SCIN: variants seen among roughly 807,000 people sequenced by gnomAD.
The protein encoded by SCIN is adseverin.
Under a neutral mutation model 91.8 loss-of-function variants are expected in SCIN, and 91 were observed. The ratio of observed to expected loss-of-function variants is 0.99; its 90% CI spans 0.84 to 1.18. The LOEUF is 1.18. SCIN is among the 50% of genes most tolerant of loss of function. The pLI is 0.00. For synonymous variants in SCIN, 367 were observed against 312.6 expected, an observed-to-expected ratio of 1.17 and a Z score of -1.84; for missense variants, 1,087 against 863.9, an observed-to-expected ratio of 1.26 and a Z score of -3.24.
chr7:12,601,735 A>G (rs185600186), intron 3 of SCIN, among the ~76,000 whole-genome samples: 9 of 152,342 alleles, frequency 5.9e-5, no homozygotes, highest in African/African-American at 2.2e-4. Context: ...GAATCTCTTA[A>G]AACTGTTTAT....
intron 3 of SCIN, chr7:12,596,158 A>T (rs1272778623): frequency 3.3e-6 from 1 of 298,584 alleles, no homozygotes; most frequent in Non-Finnish European, 6.6e-6. Context: ...TTCTTCCCTT[A>T]GGGTGGGCTG....
chr7:12,580,161 G>C (rs974039251), intron 2 of SCIN, among the ~76,000 whole-genome samples: 1 of 151,812 alleles, frequency 6.6e-6, no homozygotes, highest in African/African-American at 2.4e-5. Flanking sequence ...CTAATTTTCC[G>C]TACCATTATT....
At position 12,640,523 on chromosome 7, in the gene SCIN, G is replaced by A. The variant is rs770659124; in HGVS notation, c.1581+6G>A. ...CTATCACCAGAATTGTGGAGGTAAT[G>A]TCATGCATTCCATAAAACATGCCCT... On this transcript the variant is annotated splice_donor_region_variant and intron_variant, in intron 11 of 15. Coordinates refer to ENST00000297029, the MANE Select transcript of SCIN (RefSeq NM_001112706.3). 2 of 1,602,144 alleles carry A rather than the reference G, an allele frequency of 1.2e-6. No homozygotes were observed. The highest frequency in any genetic ancestry group is 2.3e-5 in the East Asian group (1 of 44,128).
chr7:12,649,721 C>G (rs957300960), intron 14 of SCIN, among the ~76,000 whole-genome samples, 177 bp downstream of exon 14: 1 of 152,164 alleles, frequency 6.6e-6, no homozygotes, highest in Non-Finnish European at 1.5e-5. Flanking sequence ...AAGTTGATTT[C>G]TTAGTATGAA....
chr7:12,574,777 C>T lies in SCIN; in HGVS notation c.200-3287C>T, dbSNP rs980384309. Among the ~76,000 whole-genome samples the T allele has an allele frequency of 4.3e-4, 66 of 151,992 alleles. 2 individuals are homozygous for T. The highest frequency in any genetic ancestry group is 2.9e-5 in the Non-Finnish European group (2 of 67,954). On this transcript the variant is annotated intron_variant, in intron 1 of 15. Transcript: ENST00000297029. The stretch of plus-strand genomic sequence containing the variant: ...ACCTTAGTATCAGGTAGAGTGATTC[C>T]CCCCACTTTATGCTTGTTTGTCAAG...
intron 1 of SCIN, among the ~76,000 whole-genome samples, chr7:12,572,408 T>A (rs1782289246): frequency 6.6e-6 from 1 of 152,236 alleles, no homozygotes; most frequent in African/African-American, 2.4e-5. Context: ...GAATGAATGA[T>A]GCCAGATAGA....
At chr7:12,622,659 A>G in intron 4 of SCIN, 142 bp from the exon 5 acceptor site, 1 of 617,850 alleles carries the variant, frequency 1.6e-6, no homozygotes, top group Admixed American at 3.0e-5. Context: ...ACTACCTTGT[A>G]TGCATTGATG....
intron 7 of SCIN, chr7:12,626,122 A>G (rs934317294): frequency 8.0e-6 from 3 of 377,252 alleles, no homozygotes; most frequent in Non-Finnish European, 1.4e-5. Context: ...AGGTTTAGCT[A>G]AGAGCACTTA....
intron 3 of SCIN, among the ~76,000 whole-genome samples, chr7:12,598,123 A>G (rs191606400): frequency 0.012 from 1,887 of 152,318 alleles, 15 homozygotes; most frequent in Middle Eastern, 0.024. Context: ...ATGGTTTTTA[A>G]ACTAAATTCT....
chr7:12,641,656 G>T (rs560366079), intron 11 of SCIN, among the ~76,000 whole-genome samples: 3 of 152,088 alleles, frequency 2.0e-5, no homozygotes, highest in South Asian at 4.1e-4. Context: ...AATAACTATA[G>T]CTCCTCAGAA....
chr7:12,577,931 A>G, intron 1 of SCIN, 133 bp from the exon 2 acceptor site: 1 of 748,098 alleles, frequency 1.3e-6, no homozygotes, highest in South Asian at 2.5e-5. Context: ...TTTTAGCTAA[A>G]AGATCTTTGT....
At chr7:12,618,956 G>A (rs770772169) in intron 4 of SCIN, among the ~76,000 whole-genome samples, 1 of 152,042 alleles carries the variant, frequency 6.6e-6, no homozygotes, top group African/African-American at 2.4e-5. Flanking sequence ...AGGTTAGAAG[G>A]CCTGGGGTTT....
At position 12,625,076 on chromosome 7, in the gene SCIN, A is replaced by G. The variant is rs1322336514; in HGVS notation, c.826A>G (p.Met276Val). Reference sequence around the variant, plus strand: ...AGAAGAAAACCCCTTCTCAATGGCAATGCTGCTGTCTGAAGAATGCTTTAT... The same window carrying G: ...AGAAGAAAACCCCTTCTCAATGGCAGTGCTGCTGTCTGAAGAATGCTTTAT... Reference protein sequence around the residue: ...VAEENPFSMAMLLSEECFILD... With the variant: ...VAEENPFSMAVLLSEECFILD... Residue 276 changes from methionine to valine, a missense_variant, in exon 6 of 16, where the codon ATG becomes GTG. By Grantham distance (21) the Met-to-Val change is conservative. Coordinates refer to ENST00000297029, the MANE Select transcript of SCIN (RefSeq NM_001112706.3). The G allele has an allele frequency of 6.2e-7, 1 of 1,603,244 alleles. No homozygotes were observed. Among genetic ancestry groups the G allele is most frequent in the Non-Finnish European group, 8.5e-7 (1 of 1,174,450 alleles).
chr7:12,591,466 G>A (rs1240759226), intron 3 of SCIN, among the ~76,000 whole-genome samples: 1 of 152,152 alleles, frequency 6.6e-6, no homozygotes, highest in East Asian at 1.9e-4. Flanking sequence ...AAGCTACAGG[G>A]GCAAAGGAAG....
Position 12,649,544 on chromosome 7 carries a change from G to A in SCIN, c.1959G>A (p.Gln653=). ...TCATGTTACTAGATGCTTGGGAACA[G>A]GTAAAACTACATTTTGTTCATAAGA... ...DDVMLLDAWE[Q]IFIWIGKDAN... The change falls in exon 14 of 16, where the codon CAG becomes CAA. Residue 653 remains glutamine (Q), a splice_region_variant and synonymous_variant. Transcript: ENST00000297029. 6.3e-7 allele frequency: 1 copy of A among 1,588,454 alleles called. No homozygotes were observed. The highest frequency in any genetic ancestry group is 8.6e-7 in the Non-Finnish European group (1 of 1,164,772).
chr7:12,609,435 T>G (rs1359997621), intron 4 of SCIN, among the ~76,000 whole-genome samples: 1 of 152,134 alleles, frequency 6.6e-6, no homozygotes, highest in East Asian at 1.9e-4. Context: ...GAAGAAAAAT[T>G]AAATATTTCA....
Position 12,644,217 on chromosome 7 carries a change from T to C in SCIN, c.1661T>C (p.Val554Ala). Residue 554 changes from valine to alanine, a missense_variant, in exon 12 of 16, where the codon GTA (valine) becomes GCA (alanine). Val to Ala is a moderately conservative substitution (Grantham distance 64). Transcript: ENST00000297029. Reference protein sequence around the residue: ...KLPQNSGYIWVGKGASQEEEK... With the variant: ...KLPQNSGYIWAGKGASQEEEK... ...CCACAAAATAGTGGCTACATCTGGG[T>C]AGGAAAAGGTGCTAGCCAGGAGGAG... 6.2e-7 allele frequency: 1 copy of C among 1,611,142 alleles called. No individual in the cohort carries two copies. Among genetic ancestry groups the C allele is most frequent in the African/African-American group, 1.3e-5 (1 of 74,950 alleles).
intron 4 of SCIN, among the ~76,000 whole-genome samples, chr7:12,609,054 G>A (rs952596222): frequency 6.6e-6 from 1 of 152,114 alleles, no homozygotes; most frequent in Admixed American, 6.6e-5. Flanking sequence ...ATTGATCACA[G>A]TATTTTCACA....
chr7:12,602,622 T>C (rs1369033217), intron 3 of SCIN, among the ~76,000 whole-genome samples: 1 of 152,170 alleles, frequency 6.6e-6, no homozygotes, highest in Non-Finnish European at 1.5e-5. Context: ...CCTAGGGTCT[T>C]AATATTAATA....
Sources: allele counts gnomAD v4.1 joint callset (sites outside exome capture counted in the v4.1 genomes callset), GRCh38; gene constraint gnomAD v4.1.1; transcripts MANE v1.5; gene names NCBI Gene and HGNC (gene_info 2026-07-23, HGNC 2026-07-21).